Variants in MILR1 observed in about 807,000 individuals in gnomAD.
MILR1 encodes the protein allergin-1.
A neutral mutation model predicts 18.5 loss-of-function variants in MILR1; 31 were observed. That is an observed-to-expected ratio of 1.68 (90% CI 1.26 to 2.26). The LOEUF (loss-of-function observed/expected upper bound fraction) is 2.26, where lower values mean the gene tolerates loss of function less well. MILR1 is among the 30% of genes most tolerant of loss of function. MILR1 has a pLI of 0.00. For synonymous variants in MILR1, 85 were observed against 56.2 expected, an observed-to-expected ratio of 1.51 and a Z score of -2.30; for missense variants, 257 against 157.4, an observed-to-expected ratio of 1.63 and a Z score of -3.38.
chr17:64,496,264 A>G, the MILR1 span: 1 of 624,884 alleles, frequency 1.6e-6, no homozygotes, highest in Non-Finnish European at 2.9e-6. Flanking sequence ...CACTGTTAAT[A>G]TATCCGACTA....
chr17:64,468,749 C>G (rs797030609), downstream of MILR1: 5 of 476,736 alleles, frequency 1.0e-5, no homozygotes, highest in Non-Finnish European at 5.5e-6. Flanking sequence ...ATAATGTCAG[C>G]CACATGGGCA....
chr17:64,482,895 G>C, the MILR1 span: 2 of 1,273,116 alleles, frequency 1.6e-6, no homozygotes, highest in Non-Finnish European at 2.3e-6. Flanking sequence ...TAATTAAAAT[G>C]ACATTTAAAC....
chr17:64,493,051 C>T, the MILR1 span: 3 of 1,612,432 alleles, frequency 1.9e-6, no homozygotes, highest in Non-Finnish European at 2.5e-6. Flanking sequence ...TCATTGTATA[C>T]ATCTAGTCCA....
Position 64,452,684 on chromosome 17 carries a change from C to T in MILR1, c.185C>T (p.Ser62Leu). The change falls in exon 3 of 10, where the codon TCA (serine) becomes TTA (leucine). Residue 62 changes from serine (S) to leucine (L), a missense_variant. Transcript: ENST00000619286. ...ATGTTTTGTTCCCATAAGAACAAATCACTGCAGATCACCTATTCATTGTTT... is the reference window on the plus strand; with the variant it reads ...ATGTTTTGTTCCCATAAGAACAAATTACTGCAGATCACCTATTCATTGTTT... The part of the protein sequence containing the change: ...VSMFCSHKNK[S>L]LQITYSLFRR... 2.1e-6 allele frequency: 1 copy of T among 473,744 alleles called. No homozygotes were observed. The highest frequency in any genetic ancestry group is 3.9e-6 in the Non-Finnish European group (1 of 258,344). The allele number at this position is 473,744 out of a possible 1,614,324, so 29.3% of individuals were successfully genotyped here.
the MILR1 span, among the ~76,000 whole-genome samples, chr17:64,486,629 G>T: frequency 1.3e-5 from 2 of 152,100 alleles, no homozygotes; most frequent in African/African-American, 2.4e-5. Flanking sequence ...CTCCCAAAGT[G>T]CTGGGATTAC....
At chr17:64,496,538 G>C in the MILR1 span, 4 of 1,613,706 alleles carry the variant, frequency 2.5e-6, no homozygotes, top group Non-Finnish European at 3.4e-6. Flanking sequence ...TAACCTGAAG[G>C]CACTGTCCCC....
chr17:64,489,101 C>T, the MILR1 span, among the ~76,000 whole-genome samples: 1 of 149,254 alleles, frequency 6.7e-6, no homozygotes, highest in Non-Finnish European at 1.5e-5. Context: ...TCTTGGCTCA[C>T]TGATGATCCT....
At chr17:64,482,609 C>T in the MILR1 span, among the ~76,000 whole-genome samples, 270 of 152,242 alleles carry the variant, frequency 1.8e-3, 1 homozygote, top group African/African-American at 6.3e-3. Flanking sequence ...TGAGCCACCA[C>T]GCCCGACCTA....
the MILR1 span, among the ~76,000 whole-genome samples, chr17:64,488,682 T>C: frequency 6.6e-6 from 1 of 152,226 alleles, no homozygotes; most frequent in Non-Finnish European, 1.5e-5. Flanking sequence ...TACCCCAAAA[T>C]GAAGTGTGAT....
intron 2 of MILR1, among the ~76,000 whole-genome samples, chr17:64,450,548 C>T (rs1162154352): frequency 6.6e-6 from 1 of 151,862 alleles, no homozygotes; most frequent in Admixed American, 6.6e-5. Context: ...GGCACAATCT[C>T]GGCTCACTGC....
the MILR1 span, among the ~76,000 whole-genome samples, chr17:64,477,398 T>A: frequency 6.6e-6 from 1 of 152,150 alleles, no homozygotes; most frequent in Admixed American, 6.5e-5. Flanking sequence ...GTTGGCTGAC[T>A]AGCTCTTGTC....
chr17:64,459,116 G>A (rs924113601), intron 4 of MILR1, among the ~76,000 whole-genome samples: 3,850 of 152,278 alleles, frequency 0.025, 153 homozygotes, highest in African/African-American at 0.087. Flanking sequence ...TTCTGAAGGT[G>A]CATTTGTCAA....
downstream of MILR1, among the ~76,000 whole-genome samples, chr17:64,469,786 A>T (rs189647878): frequency 6.6e-6 from 1 of 152,334 alleles, no homozygotes; most frequent in Admixed American, 6.5e-5. Context: ...GGCTCCTGGA[A>T]GAGTGCGTCC....
intron 7 of MILR1, 36 bp from the exon 8 acceptor site, chr17:64,466,558 T>C: frequency 6.2e-7 from 1 of 1,611,268 alleles, no homozygotes; most frequent in Non-Finnish European, 8.5e-7. Context: ...TTCACATAAT[T>C]GGCCCAATAA....
the MILR1 span, among the ~76,000 whole-genome samples, chr17:64,482,093 A>C: frequency 1.3e-5 from 2 of 150,534 alleles, no homozygotes; most frequent in South Asian, 4.2e-4. Context: ...TATTTAATTA[A>C]AGCTTTTTTT....
chr17:64,493,501 T>C, the MILR1 span, among the ~76,000 whole-genome samples: 16 of 152,178 alleles, frequency 1.1e-4, no homozygotes, highest in African/African-American at 3.9e-4. Context: ...TCTTTTTTTT[T>C]TGAGATGGAG....
At chr17:64,490,896 T>TA in the MILR1 span, 2 of 1,613,836 alleles carry the variant, frequency 1.2e-6, no homozygotes, top group Non-Finnish European at 1.7e-6. Context: ...AAAATTGTAG[T>TA]AAAGTTTGTT....
chr17:64,478,467 T>C, the MILR1 span, among the ~76,000 whole-genome samples: 4 of 152,220 alleles, frequency 2.6e-5, no homozygotes, highest in African/African-American at 9.6e-5. Context: ...AACAGATAGA[T>C]GCACGGCTGA....
the MILR1 span, chr17:64,491,665 A>C: frequency 1.5e-6 from 2 of 1,329,006 alleles, no homozygotes; most frequent in Middle Eastern, 2.7e-4. Context: ...TACTACAACA[A>C]GTACATCAAC....
Sources: gnomAD v4.1 joint callset for allele counts (sites outside exome capture counted in the v4.1 genomes callset) on GRCh38, gnomAD v4.1.1 for gene constraint, MANE v1.5 for transcripts, NCBI Gene and HGNC (gene_info 2026-07-23, HGNC 2026-07-21) for gene names.